The following CCDC88A variants were observed in gnomAD, a reference collection of about 807,000 sequenced individuals.
CCDC88A encodes girdin.
Under a neutral mutation model 234.3 loss-of-function variants are expected in CCDC88A, and 54 were observed. The ratio of observed to expected loss-of-function variants is 0.23; its 90% CI spans 0.19 to 0.29. CCDC88A has a LOEUF of 0.29. Among genes scored for constraint, CCDC88A ranks in the 10% least tolerant of loss-of-function variants. The pLI, the probability that CCDC88A is intolerant of heterozygous loss-of-function variation, is 1.00. For missense variants in CCDC88A, 1,832 were observed against 2,123.4 expected (o/e 0.86, Z 2.70); for synonymous variants, 753 against 737.8 (o/e 1.02, Z -0.33).
intron 2 of CCDC88A, among the ~76,000 whole-genome samples, chr2:55,407,562 A>G (rs1252992144): frequency 6.6e-6 from 1 of 151,288 alleles, no homozygotes; most frequent in Non-Finnish European, 1.5e-5. Context: ...CCAAGATCGC[A>G]TCACTGCACT....
rs1682015915 is a variant in CCDC88A at position 55,419,788 on chromosome 2, G to C, written c.-709C>G. ...CTGCCAGCCTTTCAGCGCGTCTCTGGGAATCCCTGGCACAAAATCACCGCC... is the reference window on the plus strand; with the variant it reads ...CTGCCAGCCTTTCAGCGCGTCTCTGCGAATCCCTGGCACAAAATCACCGCC... On this transcript the variant is annotated 5_prime_UTR_variant, in exon 1 of 33. Transcript: ENST00000436346. 6.6e-6 allele frequency: 1 copy of C among 152,516 alleles called. No homozygotes were observed. The highest frequency in any genetic ancestry group is 2.1e-4 in the South Asian group (1 of 4,846). 9.4% of individuals were successfully genotyped at this position (152,516 alleles called of 1,614,324 possible). A position where few individuals can be genotyped will look rare whatever the true frequency, so the allele number is the denominator to read the frequency against.
intron 25 of CCDC88A, 146 bp from the exon 26 acceptor site, chr2:55,303,298 T>C (rs1681112904): frequency 3.2e-6 from 2 of 624,186 alleles, no homozygotes; most frequent in Admixed American, 2.5e-5. Context: ...GCTATTATTC[T>C]CATGCTGCTG....
chr2:55,416,906 A>G (rs538370268), intron 2 of CCDC88A: 9 of 152,078 alleles, frequency 5.9e-5, no homozygotes, highest in African/African-American at 2.2e-4. Context: ...GCAAAAGTAT[A>G]CTTTTTTTTT....
chr2:55,322,745 C>G (rs1019924213), intron 17 of CCDC88A, 53 bp from the exon 18 acceptor site: 1 of 973,242 alleles, frequency 1.0e-6, no homozygotes, highest in Non-Finnish European at 1.5e-6. Context: ...ACCACAGTTA[C>G]ATTTCTCTCA....
In CCDC88A at chr2:55,288,461, A is replaced by G. The variant is rs1679215497; in HGVS notation, c.*2739T>C. 1 of 152,678 alleles carries G rather than the reference A, an allele frequency of 6.5e-6. No homozygotes were observed. Among genetic ancestry groups the G allele is most frequent in the South Asian group, 2.1e-4 (1 of 4,828 alleles). The allele number at this position is 152,678 out of a possible 1,614,324, so 9.5% of individuals were successfully genotyped here. On this transcript the variant is annotated 3_prime_UTR_variant, in exon 33 of 33. Coordinates refer to ENST00000436346, the MANE Select transcript of CCDC88A (RefSeq NM_001365480.1). ...CCCATTGTAATTCCAGATTTGGTAC[A>G]GTATCTTTTTCATTTCCTGACATAA...
At chr2:55,360,765 C>T (rs1671185364) in intron 7 of CCDC88A, among the ~76,000 whole-genome samples, 2 of 152,066 alleles carry the variant, frequency 1.3e-5, no homozygotes, top group South Asian at 4.2e-4. Flanking sequence ...TGAGATCAAA[C>T]ATTTTATACG....
Position 55,295,953 on chromosome 2 carries a change from G to C in CCDC88A, c.5195C>G (p.Ala1732Gly). ...TGGGGTTTTTCCACTTACTGACCTG[G>C]CCAGACCACAGCTAACTGGTTTGTC... ...GKDKPVSCGL[A>G]RSVSGKTPGD... The change falls in exon 31 of 33, where the codon GCC (alanine) becomes GGC (glycine). Residue 1732 changes from alanine to glycine, a missense_variant. Physicochemically the swap from Ala to Gly is moderately conservative, Grantham distance 60. This residue lies in a region of CCDC88A where 422 missense variants were observed against 416.5 expected (regional missense o/e 1.01). Coordinates refer to ENST00000436346, the MANE Select transcript of CCDC88A (RefSeq NM_001365480.1). 1 of 1,613,940 alleles carries C rather than the reference G, an allele frequency of 6.2e-7. No homozygotes were observed. The highest frequency in any genetic ancestry group is 1.1e-5 in the South Asian group (1 of 91,078).
intron 7 of CCDC88A, among the ~76,000 whole-genome samples, chr2:55,360,763 A>G (rs376752440): frequency 9.5e-4 from 144 of 152,320 alleles, no homozygotes; most frequent in African/African-American, 3.3e-3. Context: ...CCTGAGATCA[A>G]ACATTTTATA....
intron 8 of CCDC88A, chr2:55,350,713 G>GC (rs1187519076): frequency 6.6e-6 from 1 of 152,076 alleles, no homozygotes; most frequent in African/African-American, 2.4e-5. Flanking sequence ...AAGCTGGAGT[G>GC]CAGTGGCATG....
chr2:55,385,093 A>T (rs1331852360), intron 3 of CCDC88A, among the ~76,000 whole-genome samples: 4 of 152,124 alleles, frequency 2.6e-5, no homozygotes, highest in Admixed American at 2.6e-4. Context: ...TTCACAATTA[A>T]AACACACACA....
At chr2:55,411,779 CAAAAAAAAA>C (rs778872176) in intron 2 of CCDC88A, among the ~76,000 whole-genome samples, 5 of 23,332 alleles carry the variant, frequency 2.1e-4, no homozygotes, top group Admixed American at 5.7e-4. Context: ...GACTCCGTCT[CAAAAAAAAA>C]AAAAAAAAAA....
chr2:55,299,359 G>A (rs1352798175), intron 29 of CCDC88A, among the ~76,000 whole-genome samples: 3 of 152,060 alleles, frequency 2.0e-5, no homozygotes, highest in Non-Finnish European at 4.4e-5. Flanking sequence ...TTCCTTATAT[G>A]AGCCAAATGC....
At chr2:55,371,728 C>T (rs1672873352) in intron 5 of CCDC88A, among the ~76,000 whole-genome samples, 1 of 152,120 alleles carries the variant, frequency 6.6e-6, no homozygotes, top group African/African-American at 2.4e-5. Context: ...TCAAGTGATC[C>T]TCCCATCTTA....
At position 55,339,639 on chromosome 2, in the gene CCDC88A, T is replaced by G. The variant is rs769244512; in HGVS notation, c.1343A>C (p.Lys448Thr). The G allele has an allele frequency of 6.2e-7, 1 of 1,602,916 alleles. No homozygotes were observed. Among genetic ancestry groups the G allele is most frequent in the Non-Finnish European group, 8.5e-7 (1 of 1,176,820 alleles). Residue 448 changes from lysine to threonine, a missense_variant, in exon 13 of 33, where the codon AAA (lysine) becomes ACA (threonine). Lys to Thr is a moderately conservative substitution (Grantham distance 78, BLOSUM62 -1). Coordinates refer to ENST00000436346, the MANE Select transcript of CCDC88A (RefSeq NM_001365480.1). Reference protein sequence around the residue: ...RTSELSEAPQKSLGHEVNELT... With the variant: ...RTSELSEAPQTSLGHEVNELT... ...CTCATTCACCTCATGGCCCAGGGAT[T>G]TCTGGGGTGCTATAATATTGAAAAA...
intron 3 of CCDC88A, among the ~76,000 whole-genome samples, chr2:55,386,459 G>T (rs145353781): frequency 7.5e-5 from 11 of 145,704 alleles, no homozygotes; most frequent in Admixed American, 4.8e-4. Context: ...TTTGTAGATT[G>T]TATTTTATTT....
chr2:55,387,120 T>C (rs1188990187), intron 3 of CCDC88A, among the ~76,000 whole-genome samples: 1 of 131,268 alleles, frequency 7.6e-6, no homozygotes, highest in Non-Finnish European at 1.5e-5. Flanking sequence ...GAAGTTGCAG[T>C]GAGCTGAGCT....
intron 12 of CCDC88A, among the ~76,000 whole-genome samples, chr2:55,341,450 T>A (rs2920963): frequency 7.1e-6 from 1 of 140,626 alleles, no homozygotes; most frequent in Non-Finnish European, 1.6e-5. Flanking sequence ...CCCCGCCCCC[T>A]TTTTTTTTTT....
intron 25 of CCDC88A, among the ~76,000 whole-genome samples, chr2:55,305,527 T>C (rs1232148091): frequency 6.6e-6 from 1 of 152,142 alleles, no homozygotes; most frequent in Admixed American, 6.5e-5. Context: ...GTGCCTCTCT[T>C]GTGTATGCTT....
intron 8 of CCDC88A, among the ~76,000 whole-genome samples, chr2:55,352,879 A>T (rs2104753592): frequency 6.6e-6 from 1 of 152,280 alleles, no homozygotes; most frequent in South Asian, 2.1e-4. Flanking sequence ...GGTATAAGGC[A>T]ACCTGCTGTT....
Sources: gnomAD v4.1 joint callset for allele counts (sites outside exome capture counted in the v4.1 genomes callset) on GRCh38, gnomAD v4.1.1 for gene constraint, gnomAD v4.1.1 regional missense constraint, MANE v1.5 for transcripts, NCBI Gene and HGNC (gene_info 2026-07-23, HGNC 2026-07-21) for gene names.